REPS1: variants seen among roughly 807,000 people sequenced by gnomAD.
The protein encoded by REPS1 is ralBP1-associated Eps domain-containing protein 1.
A neutral mutation model predicts 100.9 loss-of-function variants in REPS1; 39 were observed. The ratio of observed to expected loss-of-function variants is 0.39; its 90% CI spans 0.30 to 0.50. The LOEUF (loss-of-function observed/expected upper bound fraction) is 0.50. Ranked by LOEUF, REPS1 falls within the 20% of genes least tolerant of loss-of-function variation. The pLI, the probability that REPS1 is intolerant of heterozygous loss-of-function variation, is 0.86. For missense variants in REPS1, 821 were observed against 968.5 expected (o/e 0.85, Z 2.02); for synonymous variants, 324 against 340.3 (o/e 0.95, Z 0.53).
rs201583575 is a variant in REPS1 at position 138,947,764 on chromosome 6, C to T, written c.277+26G>A. 1.3e-3 allele frequency: 1,863 copies of T among 1,481,230 alleles called. 14 individuals are homozygous for T. The Middle Eastern group carries it at 0.023, about 18-fold the overall frequency. 91.8% of individuals were successfully genotyped at this position (1,481,230 alleles called of 1,614,324 possible). Reference sequence around the variant, plus strand: ...TTTGTAATAGAAGCCTATTTTCTTTCGGTTACTAGTGTACTCTATATTTAC... The same window carrying T: ...TTTGTAATAGAAGCCTATTTTCTTTTGGTTACTAGTGTACTCTATATTTAC... On this transcript the variant is annotated intron_variant, in intron 2 of 19. Transcript: ENST00000450536.
chr6:138,919,251 A>G (rs940015154), intron 12 of REPS1, among the ~76,000 whole-genome samples: 1 of 152,098 alleles, frequency 6.6e-6, no homozygotes, highest in African/African-American at 2.4e-5. Context: ...TACACAATAT[A>G]GCCAGAGTCC....
rs143250603 is a variant in REPS1 at position 138,964,666 on chromosome 6, C to T, written c.154-16753G>A. On this transcript the variant is annotated intron_variant, in intron 1 of 19. Coordinates refer to ENST00000450536, the MANE Select transcript of REPS1 (RefSeq NM_001286611.2). ...ATAGACAAGAAAAATTACATAAGTACGAGATAAGAATTTCCTTTCTATACA... is the reference window on the plus strand; with the variant it reads ...ATAGACAAGAAAAATTACATAAGTATGAGATAAGAATTTCCTTTCTATACA... Among the ~76,000 whole-genome samples, 592 of 151,520 alleles carry T rather than the reference C, an allele frequency of 3.9e-3. 5 individuals carry two copies. Among genetic ancestry groups the T allele is most frequent in the African/African-American group, 0.014 (567 of 41,340 alleles).
At chr6:138,918,906 A>AT (rs1780577755) in intron 12 of REPS1, among the ~76,000 whole-genome samples, 1 of 152,194 alleles carries the variant, frequency 6.6e-6, no homozygotes, top group Non-Finnish European at 1.5e-5. Context: ...ATATTACTAC[A>AT]TATGTTCAAG....
chr6:138,905,315 C>T (rs184443196), intron 19 of REPS1, among the ~76,000 whole-genome samples, 183 bp from the exon 20 acceptor site: 4 of 152,350 alleles, frequency 2.6e-5, no homozygotes, highest in Admixed American at 2.6e-4. Flanking sequence ...GACGGAGTCT[C>T]GCTCTGTCGC....
At chr6:138,963,356 C>A (rs780240646) in intron 1 of REPS1, among the ~76,000 whole-genome samples, 6 of 152,136 alleles carry the variant, frequency 3.9e-5, no homozygotes, top group Non-Finnish European at 7.4e-5. Flanking sequence ...TTCCACTAAG[C>A]TCCTTGGGGG....
chr6:138,946,449 G>A (rs62442371), intron 2 of REPS1, among the ~76,000 whole-genome samples: 16,220 of 152,132 alleles, frequency 0.11, 1,104 homozygotes, highest in Non-Finnish European at 0.16. Flanking sequence ...AGAGGAAAGC[G>A]TACTTACCTC....
intron 8 of REPS1, among the ~76,000 whole-genome samples, chr6:138,932,377 C>T (rs1159487439): frequency 6.6e-6 from 1 of 152,000 alleles, no homozygotes; most frequent in Non-Finnish European, 1.5e-5. Context: ...ATGCTTTTCC[C>T]ATGTTGACAT....
intron 1 of REPS1, among the ~76,000 whole-genome samples, chr6:138,965,273 T>G (rs554054121): frequency 6.6e-6 from 1 of 152,202 alleles, no homozygotes; most frequent in Admixed American, 6.5e-5. Context: ...CTTTTAAAGT[T>G]TGATAGTTTG....
chr6:138,980,295 T>G (rs1363635366), intron 1 of REPS1, among the ~76,000 whole-genome samples: 2 of 152,204 alleles, frequency 1.3e-5, no homozygotes, highest in African/African-American at 4.8e-5. Context: ...CCAGTATTCT[T>G]TTTGCTCATA....
At position 138,954,580 on chromosome 6, in the gene REPS1, T is replaced by C. The variant is rs1165991885; in HGVS notation, c.154-6667A>G. Among the ~76,000 whole-genome samples the C allele has an allele frequency of 3.3e-5, 5 of 151,834 alleles. No individual in the cohort carries two copies. The South Asian group carries it at 6.2e-4, about 19-fold the overall frequency. ...GTTTACAAATTTGTGTTGGGCTGCA[T>C]TCAAAGCTATCCTGGGCCACATGCA... is the stretch of plus-strand genomic sequence containing the variant. On this transcript the variant is annotated intron_variant, in intron 1 of 19. Transcript: ENST00000450536.
chr6:138,983,486 G>A (rs1324817816), intron 1 of REPS1, among the ~76,000 whole-genome samples: 2 of 151,932 alleles, frequency 1.3e-5, no homozygotes, highest in East Asian at 3.9e-4. Context: ...AAATAAACAA[G>A]AATAACACCC....
At chr6:138,947,035 G>GCTCTCTCTCTCTCTCTCTCTCTCTCT (rs10581264) in intron 2 of REPS1, among the ~76,000 whole-genome samples, 6 of 137,716 alleles carry the variant, frequency 4.4e-5, no homozygotes, top group Admixed American at 7.2e-5. Flanking sequence ...ATTCCCCCTT[G>GCTCTCTCTCTCTCTCTCTCTCTCTCT]CTCTCTCTCT....
chr6:138,917,697 AAT>A lies in REPS1; in HGVS notation c.1529-72_1529-71del, dbSNP rs1236980011. 4 of 1,239,372 alleles carry A rather than the reference AAT, an allele frequency of 3.2e-6. No homozygotes were observed. The South Asian group carries it at 3.7e-5, about 12-fold the overall frequency. The allele number at this position is 1,239,372 out of a possible 1,614,324, so 76.8% of individuals were successfully genotyped here. The stretch of plus-strand genomic sequence containing the variant: ...CTTTTTGCTCTATCTACTCCAAACA[AAT>A]ATAAGTGATATGCTGTTTCAAGCCA... On this transcript the variant is annotated intron_variant, in intron 12 of 19. Transcript: ENST00000450536.
chr6:138,984,587 A>G (rs529524393), intron 1 of REPS1, among the ~76,000 whole-genome samples: 1 of 152,246 alleles, frequency 6.6e-6, no homozygotes, highest in Non-Finnish European at 1.5e-5. Flanking sequence ...AAATGTCTCT[A>G]GACACTGCCA....
intron 1 of REPS1, among the ~76,000 whole-genome samples, chr6:138,955,593 T>C (rs1387386999): frequency 2.0e-5 from 3 of 151,828 alleles, no homozygotes; most frequent in Non-Finnish European, 2.9e-5. Context: ...AGTTAATGTT[T>C]TCCTTAACTT....
chr6:138,929,848 A>G, intron 9 of REPS1, 129 bp downstream of exon 9: 1 of 831,138 alleles, frequency 1.2e-6, no homozygotes, highest in Non-Finnish European at 1.8e-6. Context: ...AACATTTATC[A>G]TAGTATATCT....
chr6:138,908,094 C>T (rs1779779823), intron 18 of REPS1, among the ~76,000 whole-genome samples: 1 of 152,018 alleles, frequency 6.6e-6, no homozygotes, highest in Non-Finnish European at 1.5e-5. Context: ...GTCTAGAACA[C>T]CATAATTAAA....
rs1381583225 is a variant in REPS1, at chr6:138,932,579, C to T, written c.1136-2481G>A. ...AATCTCAGCCCTAAAAACACATCTT[C>T]CTCTGTGTGTCAAAATGGGAAATAC... On this transcript the variant is annotated intron_variant, in intron 8 of 19. Transcript: ENST00000450536. Among the ~76,000 whole-genome samples the T allele has an allele frequency of 3.3e-5, 5 of 152,206 alleles. No homozygotes were observed. In the South Asian group the frequency reaches 6.2e-4, roughly 19 times the overall value.
intron 15 of REPS1, 37 bp from the exon 16 acceptor site, chr6:138,912,987 A>G: frequency 2.0e-6 from 3 of 1,530,182 alleles, no homozygotes; most frequent in Non-Finnish European, 2.7e-6. Flanking sequence ...CACACATTCT[A>G]TCAGCCTATC....
Sources: allele counts gnomAD v4.1 joint callset (sites outside exome capture counted in the v4.1 genomes callset), GRCh38; gene constraint gnomAD v4.1.1; transcripts MANE v1.5; gene names NCBI Gene and HGNC (gene_info 2026-07-23, HGNC 2026-07-21).